ADCY1: variants seen among roughly 807,000 people sequenced by gnomAD.
The protein encoded by ADCY1 is adenylate cyclase 1.
In ADCY1, 28 loss-of-function variants were observed where a neutral mutation model predicts 105.4. The ratio of observed to expected loss-of-function variants is 0.27; its 90% CI spans 0.20 to 0.36. ADCY1 has a LOEUF of 0.36. Ranked by LOEUF, ADCY1 falls within the 10% of genes least tolerant of loss-of-function variation. The pLI is 1.00. For synonymous variants in ADCY1, 655 were observed against 623.8 expected (o/e 1.05, Z -0.75); for missense variants, 977 against 1,434.2 (o/e 0.68, Z 5.15).
chr7:45,626,342 G>A (rs958564668), intron 4 of ADCY1, among the ~76,000 whole-genome samples: 1 of 152,188 alleles, frequency 6.6e-6, no homozygotes, highest in African/African-American at 2.4e-5. Context: ...TTTGCCATGT[G>A]CCTGCCCAGC....
chr7:45,639,117 A>G (rs191114395), intron 4 of ADCY1, among the ~76,000 whole-genome samples: 2 of 152,278 alleles, frequency 1.3e-5, no homozygotes, highest in Admixed American at 6.5e-5. Flanking sequence ...ATCTTTCTCT[A>G]TGAAGGTCTC....
chr7:45,616,306 A>G (rs2090290603), intron 3 of ADCY1, among the ~76,000 whole-genome samples: 1 of 152,236 alleles, frequency 6.6e-6, no homozygotes, highest in African/African-American at 2.4e-5. Flanking sequence ...AGGAGGGAAC[A>G]CTTTGAAACT....
At chr7:45,605,176 G>C (rs935643224) in intron 2 of ADCY1, among the ~76,000 whole-genome samples, 1 of 152,142 alleles carries the variant, frequency 6.6e-6, no homozygotes, top group African/African-American at 2.4e-5. Context: ...CTTGTATCCT[G>C]TGACCTTCTG....
chr7:45,586,314 G>T (rs1019873820), intron 1 of ADCY1, among the ~76,000 whole-genome samples: 2 of 152,136 alleles, frequency 1.3e-5, no homozygotes, highest in African/African-American at 2.4e-5. Context: ...CCAGGTCCCC[G>T]TGAGAATCCT....
intron 17 of ADCY1, among the ~76,000 whole-genome samples, chr7:45,705,386 A>G (rs561898108): frequency 2.6e-5 from 4 of 152,334 alleles, no homozygotes; most frequent in East Asian, 1.9e-4. Context: ...ACTGCATTGG[A>G]TTTTTTCCAG....
Position 45,713,729 on chromosome 7 carries a change from C to G in ADCY1, c.3094C>G (p.Pro1032Ala). The G allele has an allele frequency of 5.1e-6, 4 of 780,698 alleles. No individual in the cohort carries two copies. Among genetic ancestry groups the G allele is most frequent in the Non-Finnish European group, 9.6e-6 (4 of 418,120 alleles). 48.4% of individuals were successfully genotyped at this position (780,698 alleles called of 1,614,324 possible). The change falls in exon 20 of 20, where the codon CCC (proline) becomes GCC (alanine). Residue 1032 changes from proline to alanine, a missense_variant. Physicochemically the swap from Pro to Ala is conservative, Grantham distance 27. Transcript: ENST00000297323. The part of the protein sequence containing the change: ...EEVHRLLRRC[P>A]YHFVCRGKVS... ...AGTCCACCGGCTGCTGAGAAGGTGC[C>G]CCTACCACTTTGTGTGCCGAGGCAA...
intron 3 of ADCY1, among the ~76,000 whole-genome samples, chr7:45,612,306 G>T (rs1584270003): frequency 6.6e-6 from 1 of 152,312 alleles, no homozygotes; most frequent in Admixed American, 6.5e-5. Context: ...TCTGTGAACT[G>T]CTGGCATTGT....
intron 3 of ADCY1, among the ~76,000 whole-genome samples, chr7:45,620,748 G>A (rs2037444): frequency 0.42 from 63,267 of 152,006 alleles, 13,535 homozygotes; most frequent in East Asian, 0.56. Flanking sequence ...ATTTTTCATC[G>A]GAAACCAGGG....
chr7:45,612,976 C>T (rs1324843582), intron 3 of ADCY1, among the ~76,000 whole-genome samples: 5 of 152,130 alleles, frequency 3.3e-5, no homozygotes, highest in Non-Finnish European at 7.3e-5. Context: ...AGAGTCTCCT[C>T]CTGTACAGGA....
chr7:45,578,364 C>T (rs1792415300), intron 1 of ADCY1, among the ~76,000 whole-genome samples: 1 of 152,148 alleles, frequency 6.6e-6, no homozygotes, highest in South Asian at 2.1e-4. Flanking sequence ...TCTCCCAGCC[C>T]CTTGCTTTTG....
intron 14 of ADCY1, among the ~76,000 whole-genome samples, chr7:45,691,671 C>A (rs1401569596): frequency 6.6e-6 from 1 of 152,204 alleles, no homozygotes; most frequent in Non-Finnish European, 1.5e-5. Flanking sequence ...AATGTTTATG[C>A]TATTTAGTAT....
intron 6 of ADCY1, among the ~76,000 whole-genome samples, chr7:45,658,900 A>G (rs904448589): frequency 1.3e-5 from 2 of 152,192 alleles, no homozygotes; most frequent in South Asian, 4.1e-4. Context: ...GCCCCAGGCC[A>G]ATGGGAGCTG....
At position 45,686,068 on chromosome 7, in the gene ADCY1, C is replaced by T; in HGVS notation, c.2180C>T (p.Thr727Ile). ...CTGCCCACCCTGCCCTGCGAGTCTA[C>T]ACACCATGCCCTGCTCTGCTGCCTG... ...TALPTLPCES[T>I]HHALLCCLVG... is the part of the protein sequence containing the mutation. Residue 727 changes from threonine to isoleucine, a missense_variant, in exon 13 of 20, where the codon ACA becomes ATA. By Grantham distance (89) the Thr-to-Ile change is moderately conservative. Around this residue, in one of 7 missense-constraint regions of ADCY1, gnomAD observed 275 missense variants for 362.1 expected, o/e 0.76. Transcript: ENST00000297323. The surrounding 1 kb of genome is among the most constrained non-coding windows in gnomAD (Gnocchi z 4.3). 6.2e-7 allele frequency: 1 copy of T among 1,614,146 alleles called. No individual in the cohort carries two copies. The highest frequency in any genetic ancestry group is 1.1e-5 in the South Asian group (1 of 91,080).
Position 45,574,892 on chromosome 7 carries a change from C to T in ADCY1, c.349C>T (p.Pro117Ser). The change falls in exon 1 of 20, where the codon CCC (proline) becomes TCC (serine). Residue 117 changes from proline to serine, a missense_variant. Pro to Ser is a moderately conservative substitution (Grantham distance 74). Around this residue, in one of 7 missense-constraint regions of ADCY1, gnomAD observed 209 missense variants for 222.5 expected, o/e 0.94. Coordinates refer to ENST00000297323, the MANE Select transcript of ADCY1 (RefSeq NM_021116.4). The surrounding 1 kb of genome is among the most constrained non-coding windows in gnomAD (Gnocchi z 7.0). ...AACCAACGTCCGGTCCCTGCAGGTG[C>T]CCCAGCTGCAGCAGGTCGGCCAGCT... ...VVTNVRSLQV[P>S]QLQQVGQLAL... 1 of 1,611,932 alleles carries T rather than the reference C, an allele frequency of 6.2e-7. No homozygotes were observed. The highest frequency in any genetic ancestry group is 8.5e-7 in the Non-Finnish European group (1 of 1,179,704).
chr7:45,626,291 C>T (rs1794060379), intron 4 of ADCY1, among the ~76,000 whole-genome samples: 1 of 152,216 alleles, frequency 6.6e-6, no homozygotes. Context: ...AACCGTGACA[C>T]CCAAACAGTG....
intron 1 of ADCY1, among the ~76,000 whole-genome samples, chr7:45,577,339 C>G (rs1792379997): frequency 1.3e-5 from 2 of 152,174 alleles, no homozygotes; most frequent in African/African-American, 4.8e-5. Context: ...GTGATACTGA[C>G]AAACACATGG....
intron 1 of ADCY1, among the ~76,000 whole-genome samples, chr7:45,590,269 C>G (rs1792875010): frequency 6.6e-6 from 1 of 152,170 alleles, no homozygotes; most frequent in Non-Finnish European, 1.5e-5. Flanking sequence ...CCATTGTGTT[C>G]CAGGAGGAAA....
intron 4 of ADCY1, among the ~76,000 whole-genome samples, chr7:45,625,187 G>C (rs1471221161): frequency 6.6e-6 from 1 of 152,204 alleles, no homozygotes; most frequent in Non-Finnish European, 1.5e-5. Flanking sequence ...CCACTGTCCA[G>C]GGTGTATGGG....
chr7:45,585,674 C>T (rs1471138563), intron 1 of ADCY1, among the ~76,000 whole-genome samples: 4 of 152,082 alleles, frequency 2.6e-5, no homozygotes, highest in Non-Finnish European at 5.9e-5. Flanking sequence ...TCTTGAACTC[C>T]TGACCTCAGG....
Sources: allele counts gnomAD v4.1 joint callset (sites outside exome capture counted in the v4.1 genomes callset), GRCh38; gene constraint gnomAD v4.1.1; regional missense constraint gnomAD v4.1.1; non-coding constraint Gnocchi (gnomAD v3.1); transcripts MANE v1.5; gene names NCBI Gene and HGNC (gene_info 2026-07-23, HGNC 2026-07-21).